The following TG variants were observed in gnomAD, a reference collection of about 807,000 sequenced individuals.
The protein encoded by TG is thyroid hormones.
A neutral mutation model predicts 324.7 loss-of-function variants in TG; 270 were observed. The observed-to-expected ratio is 0.83, with a 90% CI of 0.75 to 0.92. The LOEUF (loss-of-function observed/expected upper bound fraction) is 0.92, where lower values mean the gene tolerates loss of function less well. Ranked by LOEUF, TG falls within the 40% of genes least tolerant of loss-of-function variation. The probability of loss-of-function intolerance (pLI) is 0.00; values close to 1 mark genes in which losing one functional copy is unlikely to be tolerated. For synonymous variants in TG, 1,401 were observed against 1,327.0 expected, an observed-to-expected ratio of 1.06 and a Z score of -1.21; for missense variants, 3,591 against 3,456.4, an observed-to-expected ratio of 1.04 and a Z score of -0.98.
intron 31 of TG, among the ~76,000 whole-genome samples, chr8:132,969,194 C>T (rs1023680627): frequency 6.6e-6 from 1 of 152,132 alleles, no homozygotes; most frequent in South Asian, 2.1e-4. Context: ...TTTTCTTGGT[C>T]TGTTAGGCCT....
Position 133,106,694 on chromosome 8 carries a change from C to T in TG, c.7573-6728C>T, listed in dbSNP as rs77302036. On this transcript the variant is annotated intron_variant, in intron 43 of 47. Transcript: ENST00000220616. ...CACAACTGGGACCCTCACTGCCCAG[C>T]ACCCCCGTCCCCTTTCCGGCTTCCT... Among the ~76,000 whole-genome samples the T allele has an allele frequency of 1.4e-3, 213 of 152,320 alleles. 3 individuals carry two copies. Among genetic ancestry groups the T allele is most frequent in the African/African-American group, 4.4e-3 (182 of 41,556 alleles).
At chr8:133,011,638 A>G (rs915259850) in intron 35 of TG, among the ~76,000 whole-genome samples, 7 of 152,188 alleles carry the variant, frequency 4.6e-5, no homozygotes, top group Non-Finnish European at 8.8e-5. Context: ...GAGCTGCTTA[A>G]TAGAAACAGC....
intron 31 of TG, among the ~76,000 whole-genome samples, chr8:132,968,269 A>G (rs750087821): frequency 1.3e-5 from 2 of 152,224 alleles, no homozygotes; most frequent in Non-Finnish European, 2.9e-5. Context: ...AAACTAATTT[A>G]TTCTTCTTTT....
chr8:132,908,344 C>T lies in TG; in HGVS notation c.4002+4C>T, dbSNP rs748066756. 3 of 1,535,290 alleles carry T rather than the reference C, an allele frequency of 2.0e-6. No homozygotes were observed. In the South Asian group the frequency reaches 3.4e-5, roughly 17 times the overall value. On this transcript the variant is annotated splice_donor_region_variant and intron_variant, in intron 18 of 47. Coordinates refer to ENST00000220616, the MANE Select transcript of TG (RefSeq NM_003235.5). Reference sequence around the variant, plus strand: ...CCGCGGCTTCTGCCAGATCCAGGTACATGCCTGGCCTTCCCCACAGTGAGG... The same window carrying T: ...CCGCGGCTTCTGCCAGATCCAGGTATATGCCTGGCCTTCCCCACAGTGAGG...
chr8:133,058,532 G>A (rs140801314), intron 41 of TG, among the ~76,000 whole-genome samples: 1 of 152,358 alleles, frequency 6.6e-6, no homozygotes, highest in East Asian at 1.9e-4. Flanking sequence ...GAGAGGTGAC[G>A]ACCCAAGATG....
chr8:133,034,802 G>A (rs543420272), intron 41 of TG, among the ~76,000 whole-genome samples: 90 of 152,244 alleles, frequency 5.9e-4, no homozygotes, highest in African/African-American at 2.1e-3. Flanking sequence ...GGCTGCCAGG[G>A]CTTCCAGATA....
chr8:132,966,444 CTT>C, intron 29 of TG, 114 bp from the exon 30 acceptor site: 1 of 1,327,436 alleles, frequency 7.5e-7, no homozygotes, highest in Non-Finnish European at 1.1e-6. Flanking sequence ...ATCTCTGACA[CTT>C]TCTCTCTCTG....
intron 22 of TG, among the ~76,000 whole-genome samples, chr8:132,926,322 GTC>G (rs1821860876): frequency 2.0e-5 from 3 of 152,188 alleles, no homozygotes; most frequent in Non-Finnish European, 4.4e-5. Flanking sequence ...TCTTGCTTCA[GTC>G]CAACAGTTTT....
intron 35 of TG, among the ~76,000 whole-genome samples, chr8:132,984,596 T>A (rs939264583): frequency 2.0e-5 from 3 of 152,176 alleles, no homozygotes; most frequent in Admixed American, 2.0e-4. Context: ...TTTTATCAAG[T>A]TAGTGTACAA....
At chr8:133,104,120 G>A (rs1849581651) in intron 43 of TG, among the ~76,000 whole-genome samples, 1 of 152,196 alleles carries the variant, frequency 6.6e-6, no homozygotes, top group Admixed American at 6.5e-5. Context: ...CCTGGGGCAG[G>A]AGTGGTCCTG....
At chr8:132,889,427 C>G (rs1815907714) in intron 10 of TG, among the ~76,000 whole-genome samples, 1 of 152,206 alleles carries the variant, frequency 6.6e-6, no homozygotes, top group African/African-American at 2.4e-5. Flanking sequence ...AAATTTTAGG[C>G]TTTAGCAGCA....
At chr8:133,050,752 C>G in intron 41 of TG, 1 of 1,089,014 alleles carries the variant, frequency 9.2e-7, no homozygotes, top group Non-Finnish European at 1.4e-6. Flanking sequence ...CAATCAAATA[C>G]TTTTCTCCCA....
intron 47 of TG, 73 bp downstream of exon 47, chr8:133,133,733 C>A (rs550643475): frequency 2.0e-6 from 3 of 1,534,474 alleles, no homozygotes; most frequent in South Asian, 1.2e-5. Flanking sequence ...CTGCATGAGA[C>A]CTGTGCTGCG....
intron 10 of TG, 143 bp downstream of exon 10, chr8:132,888,711 G>A (rs549660411): frequency 7.8e-6 from 7 of 897,478 alleles, no homozygotes; most frequent in East Asian, 2.7e-5. Context: ...CTGAGAAAAC[G>A]AAGGCTCACA....
intron 44 of TG, among the ~76,000 whole-genome samples, chr8:133,114,174 T>A (rs1456138081): frequency 6.6e-6 from 1 of 152,214 alleles, no homozygotes; most frequent in African/African-American, 2.4e-5. Context: ...TTGTGGCTGA[T>A]ACCACTCCCC....
At chr8:133,063,973 G>A (rs747780893) in intron 41 of TG, 5 of 152,212 alleles carry the variant, frequency 3.3e-5, no homozygotes, top group Non-Finnish European at 7.3e-5. Flanking sequence ...AGACATAATT[G>A]CTTCTAAGAA....
At chr8:133,068,261 A>G (rs1008431152) in intron 41 of TG, among the ~76,000 whole-genome samples, 2 of 152,200 alleles carry the variant, frequency 1.3e-5, no homozygotes, top group African/African-American at 4.8e-5. Context: ...CTATCTGTCA[A>G]CCAGGCTGCA....
chr8:133,012,021 A>G lies in TG; in HGVS notation c.6383A>G (p.Asp2128Gly). ...ACCAGCAATTTCTCTGCTGTCCGAG[A>G]CCTCTGTTTGTCGGGTAAGGGGAGT... ...AATSNFSAVR[D>G]LCLSECSQHE... The change falls in exon 36 of 48, where the codon GAC becomes GGC. Residue 2128 changes from aspartate (D) to glycine (G), a missense_variant. By Grantham distance (94) the Asp-to-Gly change is moderately conservative (BLOSUM62 -1). Coordinates refer to ENST00000220616, the MANE Select transcript of TG (RefSeq NM_003235.5). 2 of 1,613,898 alleles carry G rather than the reference A, an allele frequency of 1.2e-6. No individual in the cohort carries two copies. Among genetic ancestry groups the G allele is most frequent in the Middle Eastern group, 1.7e-4 (1 of 6,060 alleles).
In TG at chr8:133,074,062, C is replaced by G. The variant is rs192882456; in HGVS notation, c.7240-20982C>G. ...CAGGTCACTTCTTTGACACCAGGCT[C>G]TCTCCATATGTAGACACCTAAAAGA... On this transcript the variant is annotated intron_variant, in intron 41 of 47. Transcript: ENST00000220616. 1.9e-3 allele frequency among the ~76,000 whole-genome samples: 292 copies of G among 152,268 alleles called. 1 individual carries two copies. The highest frequency in any genetic ancestry group is 6.8e-3 in the African/African-American group (281 of 41,540).
Sources: gnomAD v4.1 joint callset for allele counts (sites outside exome capture counted in the v4.1 genomes callset) on GRCh38, gnomAD v4.1.1 for gene constraint, MANE v1.5 for transcripts, NCBI Gene and HGNC (gene_info 2026-07-23, HGNC 2026-07-21) for gene names.